Variants in RPH3A observed in about 807,000 individuals in gnomAD.
The protein encoded by RPH3A is rabphilin 3A.
Under a neutral mutation model 102.2 loss-of-function variants are expected in RPH3A, and 48 were observed. The ratio of observed to expected loss-of-function variants is 0.47; its 90% CI spans 0.37 to 0.60. RPH3A has a LOEUF of 0.60. Ranked by LOEUF, RPH3A falls within the 20% of genes least tolerant of loss-of-function variation. The pLI, the probability that RPH3A is intolerant of heterozygous loss-of-function variation, is 0.00. For missense variants in RPH3A, 781 were observed against 910.1 expected, an observed-to-expected ratio of 0.86 and a Z score of 1.83; for synonymous variants, 310 against 324.3, an observed-to-expected ratio of 0.96 and a Z score of 0.47.
At chr12:112,809,398 G>C (rs773235174) in intron 2 of RPH3A, among the ~76,000 whole-genome samples, 4 of 152,090 alleles carry the variant, frequency 2.6e-5, no homozygotes, top group Non-Finnish European at 5.9e-5. Context: ...GAACATTGCA[G>C]GCTCCTCTGT....
chr12:112,724,459 A>C (rs2040573232), intron 1 of RPH3A, among the ~76,000 whole-genome samples: 1 of 152,204 alleles, frequency 6.6e-6, no homozygotes. Flanking sequence ...TATTGAAAAA[A>C]AGTCATGCAT....
At chr12:112,687,048 G>T (rs752851993) in intron 1 of RPH3A, among the ~76,000 whole-genome samples, 13 of 152,184 alleles carry the variant, frequency 8.5e-5, no homozygotes, top group Admixed American at 2.6e-4. Flanking sequence ...CCAGGAGTTC[G>T]GGGGTGCAGT....
At chr12:112,833,719 G>T (rs1388190307) in intron 3 of RPH3A, among the ~76,000 whole-genome samples, 1 of 144,736 alleles carries the variant, frequency 6.9e-6, no homozygotes, top group Non-Finnish European at 1.5e-5. Flanking sequence ...AGCACAGTTT[G>T]ATAATTTCAT....
At chr12:112,753,443 G>T (rs935686131) in intron 1 of RPH3A, among the ~76,000 whole-genome samples, 1 of 152,156 alleles carries the variant, frequency 6.6e-6, no homozygotes, top group Non-Finnish European at 1.5e-5. Flanking sequence ...GAAAACTCAG[G>T]TGAGCCACTT....
At chr12:112,860,688 A>T (rs1345052977) in intron 5 of RPH3A, among the ~76,000 whole-genome samples, 1 of 152,262 alleles carries the variant, frequency 6.6e-6, no homozygotes, top group Non-Finnish European at 1.5e-5. Context: ...ATTCGTGGAA[A>T]GCAAAGATGA....
In RPH3A at chr12:112,729,372, G is replaced by C. The variant is rs576242257; in HGVS notation, c.-139-62771G>C. 3.3e-5 allele frequency among the ~76,000 whole-genome samples: 5 copies of C among 152,220 alleles called. No individual in the cohort carries two copies. The East Asian group carries it at 9.7e-4, about 29-fold the overall frequency. On this transcript the variant is annotated intron_variant, in intron 1 of 21. Coordinates refer to the RPH3A transcript ENST00000543106. Reference sequence around the variant, plus strand: ...GCTAATTTTTGCATTTTTTTGTAGAGACAGGGTTTCACCATGTTGCACAGG... The same window carrying C: ...GCTAATTTTTGCATTTTTTTGTAGACACAGGGTTTCACCATGTTGCACAGG...
chr12:112,576,801 G>A (rs1015000546), intron 1 of RPH3A, among the ~76,000 whole-genome samples: 5 of 150,244 alleles, frequency 3.3e-5, no homozygotes, highest in Non-Finnish European at 5.9e-5. Context: ...TCTTACTCTT[G>A]TCAGGGCCCT....
At chr12:112,894,183 A>G in intron 19 of RPH3A, 1 of 231,706 alleles carries the variant, frequency 4.3e-6, no homozygotes, top group Non-Finnish European at 8.2e-6. Context: ...ATAGATGGTA[A>G]AATGCCAGGC....
intron 1 of RPH3A, among the ~76,000 whole-genome samples, chr12:112,692,208 A>C (rs2040311689): frequency 6.6e-6 from 1 of 152,194 alleles, no homozygotes; most frequent in East Asian, 1.9e-4. Flanking sequence ...AGATTTGTTA[A>C]AGAATACAAA....
intron 2 of RPH3A, among the ~76,000 whole-genome samples, chr12:112,822,955 C>T (rs1271212644): frequency 2.0e-5 from 3 of 152,176 alleles, no homozygotes; most frequent in African/African-American, 4.8e-5. Flanking sequence ...AATTTCTGTC[C>T]AGCTAAGAAA....
At chr12:112,807,192 A>C (rs944114785) in intron 2 of RPH3A, among the ~76,000 whole-genome samples, 1 of 152,062 alleles carries the variant, frequency 6.6e-6, no homozygotes, top group Non-Finnish European at 1.5e-5. Flanking sequence ...GATGTGATCC[A>C]TATTTTGAAA....
intron 1 of RPH3A, among the ~76,000 whole-genome samples, chr12:112,756,441 A>T (rs1304933949): frequency 6.6e-6 from 1 of 152,176 alleles, no homozygotes; most frequent in Non-Finnish European, 1.5e-5. Flanking sequence ...CAAACTCCTG[A>T]CCTGAGGTGA....
chr12:112,879,259 A>G lies in RPH3A; in HGVS notation c.1251+61A>G. ...ATGCTCTGGCATGGCTAGGAGACTC[A>G]GATGGGGATGGATGACCAGGCCTGT... On this transcript the variant is annotated intron_variant, in intron 14 of 21. Coordinates refer to ENST00000389385, the MANE Select transcript of RPH3A (RefSeq NM_001143854.2). 2.2e-6 allele frequency: 3 copies of G among 1,389,790 alleles called. No homozygotes were observed. The South Asian group carries it at 3.6e-5, about 17-fold the overall frequency. The allele number at this position is 1,389,790 out of a possible 1,614,324, so 86.1% of individuals were successfully genotyped here.
intron 1 of RPH3A, among the ~76,000 whole-genome samples, chr12:112,653,381 A>AG (rs1242254991): frequency 6.6e-6 from 1 of 151,740 alleles, no homozygotes; most frequent in East Asian, 1.9e-4. Flanking sequence ...AAAAAAAAAA[A>AG]AAAAAAAGAT....
chr12:112,709,884 G>A (rs1467945722), intron 1 of RPH3A, among the ~76,000 whole-genome samples: 3 of 152,190 alleles, frequency 2.0e-5, no homozygotes, highest in Non-Finnish European at 4.4e-5. Context: ...GCTCAGACAT[G>A]TTTAATTGTT....
At chr12:112,838,996 T>C (rs1419361557) in intron 4 of RPH3A, among the ~76,000 whole-genome samples, 1 of 152,184 alleles carries the variant, frequency 6.6e-6, no homozygotes, top group Non-Finnish European at 1.5e-5. Context: ...GGGGCCGGTT[T>C]CTCAAGTCCT....
intron 2 of RPH3A, among the ~76,000 whole-genome samples, chr12:112,799,889 C>T (rs934988473): frequency 2.0e-5 from 3 of 152,204 alleles, no homozygotes; most frequent in Admixed American, 1.3e-4. Context: ...AGAATTTGCA[C>T]ATCAAACGAG....
chr12:112,616,229 C>G (rs1327541810), intron 1 of RPH3A, among the ~76,000 whole-genome samples: 1 of 152,206 alleles, frequency 6.6e-6, no homozygotes, highest in Non-Finnish European at 1.5e-5. Context: ...TCACTGCAAC[C>G]TCCGCCTCCC....
At chr12:112,808,139 G>A (rs1427313778) in intron 2 of RPH3A, among the ~76,000 whole-genome samples, 2 of 152,166 alleles carry the variant, frequency 1.3e-5, no homozygotes, top group Non-Finnish European at 2.9e-5. Context: ...AACCTAATGG[G>A]TCATTAAACA....
Sources: gnomAD v4.1 joint callset for allele counts (sites outside exome capture counted in the v4.1 genomes callset) on GRCh38, gnomAD v4.1.1 for gene constraint, MANE v1.5 for transcripts, NCBI Gene and HGNC (gene_info 2026-07-23, HGNC 2026-07-21) for gene names.